Variants in ADAMTS19 observed in about 807,000 individuals in gnomAD.
ADAMTS19 encodes the protein ADAM metallopeptidase with thrombospondin type 1 motif 19, also known as A disintegrin and metalloproteinase with thrombospondin motifs 19.
In ADAMTS19, 93 loss-of-function variants were observed where a neutral mutation model predicts 153.3. The ratio of observed to expected loss-of-function variants is 0.61; its 90% CI spans 0.51 to 0.72. ADAMTS19 has a LOEUF of 0.72. Ranked by LOEUF, ADAMTS19 falls within the 30% of genes least tolerant of loss-of-function variation. ADAMTS19 has a pLI of 0.00. For missense variants in ADAMTS19, 1,482 were observed against 1,552.1 expected (o/e 0.95, Z 0.76); for synonymous variants, 600 against 556.6 (o/e 1.08, Z -1.10).
chr5:129,513,501 TAAAAGAAAAA>T (rs1026008429), intron 3 of ADAMTS19, among the ~76,000 whole-genome samples: 7 of 151,746 alleles, frequency 4.6e-5, no homozygotes, highest in Non-Finnish European at 7.4e-5. Context: ...ATCTCATCTC[TAAAAGAAAAA>T]AAAAGAAAAC....
intron 10 of ADAMTS19, among the ~76,000 whole-genome samples, chr5:129,641,538 C>A (rs747452502): frequency 1.3e-5 from 2 of 152,098 alleles, no homozygotes; most frequent in Non-Finnish European, 2.9e-5. Flanking sequence ...TGTGTCATAG[C>A]ATATAAATGA....
chr5:129,563,972 T>G (rs1181705924), intron 7 of ADAMTS19, among the ~76,000 whole-genome samples: 1 of 151,810 alleles, frequency 6.6e-6, no homozygotes, highest in Non-Finnish European at 1.5e-5. Context: ...GAGGCTGGAG[T>G]GCAGTGGCGC....
intron 6 of ADAMTS19, among the ~76,000 whole-genome samples, chr5:129,545,136 A>G (rs1752808493): frequency 6.6e-6 from 1 of 152,176 alleles, no homozygotes; most frequent in Non-Finnish European, 1.5e-5. Context: ...TTATAAAACA[A>G]GCATGTCCAC....
intron 3 of ADAMTS19, among the ~76,000 whole-genome samples, chr5:129,523,779 A>T (rs1417185627): frequency 1.3e-5 from 2 of 152,154 alleles, no homozygotes; most frequent in Non-Finnish European, 2.9e-5. Context: ...CTCTTCAAGG[A>T]GAATTGAAAA....
intron 7 of ADAMTS19, among the ~76,000 whole-genome samples, chr5:129,589,785 C>T (rs751536259): frequency 4.6e-5 from 7 of 152,060 alleles, no homozygotes; most frequent in Non-Finnish European, 1.0e-4. Flanking sequence ...GATTTGTGAG[C>T]TCATATTCAG....
chr5:129,648,479 C>T (rs974258106), intron 12 of ADAMTS19, among the ~76,000 whole-genome samples: 1 of 152,062 alleles, frequency 6.6e-6, no homozygotes, highest in Non-Finnish European at 1.5e-5. Context: ...ATTCTAAGAA[C>T]CAAATTTCTT....
intron 7 of ADAMTS19, among the ~76,000 whole-genome samples, chr5:129,585,254 G>A (rs7702708): frequency 0.024 from 3,578 of 151,280 alleles, 118 homozygotes; most frequent in African/African-American, 0.078. Context: ...CCAGTGAGAT[G>A]AGCCGGGTAA....
chr5:129,724,355 G>A (rs1757121080), intron 21 of ADAMTS19, among the ~76,000 whole-genome samples: 1 of 152,158 alleles, frequency 6.6e-6, no homozygotes, highest in Non-Finnish European at 1.5e-5. Flanking sequence ...TAACGTTAAT[G>A]CTGGTCAGCT....
chr5:129,505,026 C>T (rs1369385611), intron 2 of ADAMTS19, among the ~76,000 whole-genome samples: 1 of 151,452 alleles, frequency 6.6e-6, no homozygotes, highest in Non-Finnish European at 1.5e-5. Flanking sequence ...GATTTCATTT[C>T]CTTTGAATAT....
intron 7 of ADAMTS19, among the ~76,000 whole-genome samples, chr5:129,556,913 C>A (rs1441875363): frequency 2.0e-5 from 3 of 152,118 alleles, no homozygotes; most frequent in African/African-American, 7.2e-5. Flanking sequence ...AAACTTCTAA[C>A]CTAGAAAACT....
chr5:129,646,182 C>T (rs1753061023), intron 11 of ADAMTS19, among the ~76,000 whole-genome samples: 1 of 151,930 alleles, frequency 6.6e-6, no homozygotes, highest in Admixed American at 6.6e-5. Flanking sequence ...GCCACCGCGC[C>T]CGGCCTCCTT....
intron 8 of ADAMTS19, among the ~76,000 whole-genome samples, chr5:129,599,288 G>A (rs1366071736): frequency 6.6e-6 from 1 of 151,950 alleles, no homozygotes; most frequent in Non-Finnish European, 1.5e-5. Flanking sequence ...AAGGAAAAAT[G>A]CTGAGAATAA....
chr5:129,548,087 G>C lies in ADAMTS19; in HGVS notation c.1329-3777G>C, dbSNP rs952255905. Among the ~76,000 whole-genome samples the C allele has an allele frequency of 4.5e-4, 68 of 150,560 alleles. 1 individual carries two copies. Among genetic ancestry groups the C allele is most frequent in the Non-Finnish European group, 7.8e-4 (53 of 68,014 alleles). On this transcript the variant is annotated intron_variant, in intron 6 of 22. Coordinates refer to ENST00000274487, the MANE Select transcript of ADAMTS19 (RefSeq NM_133638.6). ...CATAAAAAACCTAGAAGAAAACCTA[G>C]GCAATACCATTCAGGACATAGGCAT...
chr5:129,473,547 A>T (rs1204990396), intron 2 of ADAMTS19, among the ~76,000 whole-genome samples: 1 of 152,122 alleles, frequency 6.6e-6, no homozygotes, highest in African/African-American at 2.4e-5. Flanking sequence ...TAATATTTGT[A>T]TATAAATATA....
At chr5:129,530,752 G>A (rs1021162525) in intron 6 of ADAMTS19, among the ~76,000 whole-genome samples, 1 of 151,582 alleles carries the variant, frequency 6.6e-6, no homozygotes, top group Admixed American at 6.6e-5. Context: ...GCAAGGTAAG[G>A]ATGTCCCCTC....
At chr5:129,662,302 C>A (rs532983801) in intron 15 of ADAMTS19, among the ~76,000 whole-genome samples, 1 of 152,162 alleles carries the variant, frequency 6.6e-6, no homozygotes, top group South Asian at 2.1e-4. Flanking sequence ...ATCAAATTTA[C>A]GATATTGACT....
chr5:129,707,509 C>A (rs1480209184), intron 21 of ADAMTS19, among the ~76,000 whole-genome samples: 1 of 152,180 alleles, frequency 6.6e-6, no homozygotes, highest in Non-Finnish European at 1.5e-5. Flanking sequence ...ATTGGTTTCA[C>A]CCTTCATTTT....
At chr5:129,601,428 A>G (rs1168424150) in intron 8 of ADAMTS19, among the ~76,000 whole-genome samples, 1 of 152,148 alleles carries the variant, frequency 6.6e-6, no homozygotes. Flanking sequence ...TGTTAAAGTA[A>G]GGGATTTTAC....
At chr5:129,732,390 G>A (rs75453096) in intron 21 of ADAMTS19, among the ~76,000 whole-genome samples, 2,387 of 152,144 alleles carry the variant, frequency 0.016, 61 homozygotes, top group African/African-American at 0.053. Context: ...AATTATCTGT[G>A]TTTGCTGATA....
Sources: allele counts gnomAD v4.1 joint callset (sites outside exome capture counted in the v4.1 genomes callset), GRCh38; gene constraint gnomAD v4.1.1; transcripts MANE v1.5; gene names NCBI Gene and HGNC (gene_info 2026-07-23, HGNC 2026-07-21).